Variants in GALNT9 observed in about 807,000 individuals in gnomAD.
The protein encoded by GALNT9 is GalNAc transferase 9.
In GALNT9, 47 loss-of-function variants were observed where a neutral mutation model predicts 63.1. The observed-to-expected ratio is 0.75, with a 90% CI of 0.59 to 0.95. The LOEUF is 0.95. Ranked by LOEUF, GALNT9 falls within the 40% of genes least tolerant of loss-of-function variation. The pLI is 0.00. For synonymous variants in GALNT9, 396 were observed against 365.7 expected (o/e 1.08, Z -0.94); for missense variants, 829 against 874.8 (o/e 0.95, Z 0.66).
Position 132,247,895 on chromosome 12 carries a change from C to T in GALNT9, c.1077+15G>A, listed in dbSNP as rs548479701. 8.0e-5 allele frequency: 124 copies of T among 1,551,068 alleles called. 1 individual carries two copies. The South Asian group carries it at 8.9e-4, about 11-fold the overall frequency. ...TCGCCCTCACCCTGTCCCTGGACAC[C>T]GGGGCCGCACTCACCCTCATGCCCA... On this transcript the variant is annotated intron_variant, in intron 6 of 10. Transcript: ENST00000328957.
intron 2 of GALNT9, chr12:132,272,848 C>T (rs973683487): frequency 8.5e-5 from 13 of 152,310 alleles, no homozygotes; most frequent in South Asian, 2.1e-4. Context: ...CGCAGGCTGC[C>T]GTCTCTGGAC....
At chr12:132,320,385 G>A (rs1406504606) in intron 1 of GALNT9, among the ~76,000 whole-genome samples, 7 of 152,336 alleles carry the variant, frequency 4.6e-5, no homozygotes, top group South Asian at 2.1e-4. Flanking sequence ...CCCCCACCTC[G>A]GATCTTTCTG....
intron 6 of GALNT9, chr12:132,240,621 C>A (rs2136898904): frequency 4.8e-5 from 22 of 455,038 alleles, no homozygotes; most frequent in Non-Finnish European, 8.8e-5. Flanking sequence ...CGGGGCTCGG[C>A]TGTGCTCTAT....
At chr12:132,205,461 C>G (rs541157279) in intron 6 of GALNT9, 2 of 152,598 alleles carry the variant, frequency 1.3e-5, no homozygotes, top group East Asian at 3.9e-4. Flanking sequence ...ACGCAGCTAA[C>G]GCCAGGCTCC....
chr12:132,301,427 A>G (rs1274709454), intron 1 of GALNT9, among the ~76,000 whole-genome samples: 3 of 152,044 alleles, frequency 2.0e-5, no homozygotes, highest in Admixed American at 6.5e-5. Flanking sequence ...CCATACGAGA[A>G]CCACACAGGG....
At chr12:132,278,729 C>G (rs1475365959) in intron 2 of GALNT9, 1 of 152,274 alleles carries the variant, frequency 6.6e-6, no homozygotes, top group Non-Finnish European at 1.5e-5. Context: ...GGTGTTCCCA[C>G]GGCACACGCC....
intron 6 of GALNT9, among the ~76,000 whole-genome samples, chr12:132,224,941 A>C (rs1483904261): frequency 5.6e-5 from 8 of 144,006 alleles, no homozygotes; most frequent in Non-Finnish European, 1.5e-5. Flanking sequence ...AACACAACCC[A>C]CACCCCACAC....
intron 6 of GALNT9, among the ~76,000 whole-genome samples, chr12:132,230,426 G>A (rs1877847040): frequency 6.6e-6 from 1 of 152,254 alleles, no homozygotes; most frequent in African/African-American, 2.4e-5. Flanking sequence ...GGTTTGGTGG[G>A]TCTACGGGCA....
intron 6 of GALNT9, among the ~76,000 whole-genome samples, chr12:132,226,748 A>G (rs1234686657): frequency 7.1e-6 from 1 of 140,126 alleles, no homozygotes; most frequent in Non-Finnish European, 1.5e-5. Context: ...CATACACCCC[A>G]TACACCCACC....
chr12:132,258,929 G>A (rs2135542616), intron 4 of GALNT9, among the ~76,000 whole-genome samples: 1 of 151,490 alleles, frequency 6.6e-6, no homozygotes, highest in South Asian at 2.1e-4. Context: ...GAGGCTGGAT[G>A]GCCTGAGGGC....
intron 5 of GALNT9, among the ~76,000 whole-genome samples, chr12:132,254,935 G>A (rs1555238920): frequency 6.6e-6 from 1 of 152,202 alleles, no homozygotes; most frequent in Admixed American, 6.5e-5. Context: ...CCACAGCTCA[G>A]CTTCAGTTCA....
chr12:132,204,300 G>C (rs934990879), intron 6 of GALNT9, among the ~76,000 whole-genome samples: 1 of 152,064 alleles, frequency 6.6e-6, no homozygotes, highest in Non-Finnish European at 1.5e-5. Flanking sequence ...CTTCCTATAC[G>C]TGCTCTTTCA....
In GALNT9 at chr12:132,323,642, G is replaced by T. The variant is rs191545639; in HGVS notation, c.238+5324C>A. ...GCCAGGAAATGCCAGGCTCCTCCGA[G>T]TGCCGGGAGCCCCAGCGGACGTCAG... On this transcript the variant is annotated intron_variant, in intron 1 of 10. Coordinates refer to ENST00000328957, the MANE Select transcript of GALNT9 (RefSeq NM_001122636.2). 1.3e-3 allele frequency among the ~76,000 whole-genome samples: 198 copies of T among 152,376 alleles called. 1 individual carries two copies. The highest frequency in any genetic ancestry group is 6.8e-3 in the Middle Eastern group (2 of 294).
At chr12:132,201,429 A>C (rs1876104211) in intron 7 of GALNT9, 168 bp from the exon 8 acceptor site, 14 of 372,088 alleles carry the variant, frequency 3.8e-5, no homozygotes, top group South Asian at 3.4e-4. Context: ...CAGCCTCCTA[A>C]TATCCACAGA....
At chr12:132,240,808 C>T (rs1229110064) in intron 6 of GALNT9, 17 of 427,024 alleles carry the variant, frequency 4.0e-5, no homozygotes, top group Non-Finnish European at 8.0e-5. Context: ...ACATGCCACA[C>T]ACCCTTCCCA....
chr12:132,291,549 A>G lies in GALNT9; in HGVS notation c.239-5119T>C, dbSNP rs182337858. 3.8e-3 allele frequency among the ~76,000 whole-genome samples: 491 copies of G among 129,772 alleles called. 23 individuals carry two copies. The highest frequency in any genetic ancestry group is 0.014 in the African/African-American group (456 of 31,746). The allele number at this position is 129,772 out of a possible 152,430, so 85.1% of individuals were successfully genotyped here. A position where few individuals can be genotyped will look rare whatever the true frequency, so the allele number is the denominator to read the frequency against. On this transcript the variant is annotated intron_variant, in intron 1 of 10. Coordinates refer to ENST00000328957, the MANE Select transcript of GALNT9 (RefSeq NM_001122636.2). Reference sequence around the variant, plus strand: ...CAGCACCCACGTCCACACCACCGACATCCACAGCACCCACAACCACAGCGC... The same window carrying G: ...CAGCACCCACGTCCACACCACCGACGTCCACAGCACCCACAACCACAGCGC...
intron 2 of GALNT9, among the ~76,000 whole-genome samples, chr12:132,281,099 C>T (rs779889335): frequency 3.3e-5 from 5 of 152,226 alleles, no homozygotes; most frequent in East Asian, 3.8e-4. Flanking sequence ...ACTGTGGAGA[C>T]GCTTCCCAGC....
rs903915497 is a variant in GALNT9, at chr12:132,294,986, G to A, written c.239-8556C>T. On this transcript the variant is annotated intron_variant, in intron 1 of 10. Transcript: ENST00000328957. ...ATCCCACCAGGAAGCAAGGACAAACGATGAAGAAACTGGTAAAAGTGTGGA... is the reference window on the plus strand; with the variant it reads ...ATCCCACCAGGAAGCAAGGACAAACAATGAAGAAACTGGTAAAAGTGTGGA... Among the ~76,000 whole-genome samples the A allele has an allele frequency of 2.0e-5, 3 of 152,238 alleles. No individual in the cohort carries two copies. The East Asian group carries it at 5.8e-4, about 29-fold the overall frequency.
chr12:132,291,622 A>G (rs1390407277), intron 1 of GALNT9, among the ~76,000 whole-genome samples: 2 of 98,126 alleles, frequency 2.0e-5, no homozygotes, highest in Non-Finnish European at 4.3e-5. Context: ...CACAGCACCC[A>G]CGTCCACACC....
Sources: gnomAD v4.1 joint callset for allele counts (sites outside exome capture counted in the v4.1 genomes callset) on GRCh38, gnomAD v4.1.1 for gene constraint, MANE v1.5 for transcripts, NCBI Gene and HGNC (gene_info 2026-07-23, HGNC 2026-07-21) for gene names.